SLC30A8: variants seen among roughly 807,000 people sequenced by gnomAD.
The protein encoded by SLC30A8 is solute carrier family 30 member 8.
Under a neutral mutation model 36.9 loss-of-function variants are expected in SLC30A8, and 27 were observed. That is an observed-to-expected ratio of 0.73 (90% confidence interval 0.54 to 1.01). The LOEUF is 1.01. Among genes scored for constraint, SLC30A8 ranks in the 50% least tolerant of loss-of-function variants. The pLI, the probability that SLC30A8 is intolerant of heterozygous loss-of-function variation, is 0.00. For synonymous variants in SLC30A8, 164 were observed against 172.4 expected, an observed-to-expected ratio of 0.95 and a Z score of 0.38; for missense variants, 439 against 452.0, an observed-to-expected ratio of 0.97 and a Z score of 0.26.
chr8:117,154,252 CCCA>C, intron 3 of SLC30A8, among the ~76,000 whole-genome samples: 1 of 152,050 alleles, frequency 6.6e-6, no homozygotes, highest in Non-Finnish European at 1.5e-5. Context: ...CTAACCCACC[CCCA>C]CAACCCCCAC....
intron 2 of SLC30A8, among the ~76,000 whole-genome samples, chr8:117,104,343 G>T (rs752573948): frequency 6.6e-6 from 1 of 152,050 alleles, no homozygotes; most frequent in Non-Finnish European, 1.5e-5. Flanking sequence ...TTTATTGCTC[G>T]CAGGTTCTGC....
intron 1 of SLC30A8, among the ~76,000 whole-genome samples, chr8:117,140,151 G>A (rs1015180755): frequency 1.3e-5 from 2 of 152,030 alleles, no homozygotes; most frequent in Non-Finnish European, 2.9e-5. Flanking sequence ...GAAGCTGGCA[G>A]AAGAAAGAAT....
intron 2 of SLC30A8, among the ~76,000 whole-genome samples, chr8:117,057,860 G>A (rs944799500): frequency 9.9e-5 from 15 of 152,148 alleles, no homozygotes; most frequent in African/African-American, 1.2e-4. Flanking sequence ...CGGGAGTGCC[G>A]ATATCTCTTT....
chr8:116,954,467 TAA>T (rs1300320687), intron 1 of SLC30A8, among the ~76,000 whole-genome samples: 1 of 151,988 alleles, frequency 6.6e-6, no homozygotes, highest in African/African-American at 2.4e-5. Context: ...GAAAAGCTAT[TAA>T]AGAGAGAGAG....
chr8:117,002,913 AT>A (rs201180534), intron 1 of SLC30A8, among the ~76,000 whole-genome samples: 4 of 151,268 alleles, frequency 2.6e-5, no homozygotes, highest in African/African-American at 4.8e-5. Context: ...AAAAGATGTT[AT>A]TTTTTTTTAG....
intron 1 of SLC30A8, among the ~76,000 whole-genome samples, chr8:116,979,812 T>G (rs560352584): frequency 6.6e-6 from 1 of 152,250 alleles, no homozygotes. Context: ...CCCTGGACCT[T>G]TTTACCCAGG....
intron 1 of SLC30A8, among the ~76,000 whole-genome samples, chr8:116,959,841 T>C (rs1455321127): frequency 6.6e-6 from 1 of 152,210 alleles, no homozygotes; most frequent in South Asian, 2.1e-4. Flanking sequence ...TCTGTGCACA[T>C]GGGCAATTTT....
chr8:117,035,372 T>C (rs1392522807), intron 1 of SLC30A8, among the ~76,000 whole-genome samples: 2 of 152,368 alleles, frequency 1.3e-5, no homozygotes, highest in East Asian at 3.9e-4. Flanking sequence ...CATGCAAGTC[T>C]GAAACCCAGC....
chr8:117,011,716 ACTC>A, intron 1 of SLC30A8, among the ~76,000 whole-genome samples: 1 of 152,270 alleles, frequency 6.6e-6, no homozygotes, highest in South Asian at 2.1e-4. Context: ...AAAAGAAAAT[ACTC>A]AATCCTCCAA....
intron 1 of SLC30A8, among the ~76,000 whole-genome samples, chr8:117,011,073 G>C (rs533303569): frequency 1.3e-5 from 2 of 152,226 alleles, no homozygotes; most frequent in South Asian, 2.1e-4. Flanking sequence ...ATTCTACTAC[G>C]CTAAACTCTT....
At chr8:117,026,670 A>G (rs1816885152) in intron 1 of SLC30A8, among the ~76,000 whole-genome samples, 1 of 152,154 alleles carries the variant, frequency 6.6e-6, no homozygotes, top group Non-Finnish European at 1.5e-5. Context: ...TAGACAAGCC[A>G]CTTTATCTCT....
intron 1 of SLC30A8, among the ~76,000 whole-genome samples, chr8:117,036,596 T>A (rs1274742837): frequency 6.6e-6 from 1 of 152,120 alleles, no homozygotes; most frequent in Non-Finnish European, 1.5e-5. Flanking sequence ...CAGGCACGTC[T>A]TACATGGCGA....
At chr8:116,976,500 T>C (rs1293543390) in intron 1 of SLC30A8, among the ~76,000 whole-genome samples, 1 of 152,204 alleles carries the variant, frequency 6.6e-6, no homozygotes, top group Admixed American at 6.5e-5. Context: ...GTGAATGTTC[T>C]GATCCCTAAG....
At chr8:117,051,166 A>G (rs778024930) in intron 2 of SLC30A8, among the ~76,000 whole-genome samples, 2 of 152,176 alleles carry the variant, frequency 1.3e-5, no homozygotes, top group African/African-American at 4.8e-5. Flanking sequence ...AAAGGAACAG[A>G]TTAGGAAGTT....
intron 2 of SLC30A8, among the ~76,000 whole-genome samples, chr8:117,068,342 C>T (rs1342412514): frequency 6.6e-6 from 1 of 152,122 alleles, no homozygotes; most frequent in East Asian, 1.9e-4. Flanking sequence ...CAAGAAACAG[C>T]TTTAGGTTCA....
At chr8:117,065,823 C>T (rs1346654688) in intron 2 of SLC30A8, among the ~76,000 whole-genome samples, 2 of 152,054 alleles carry the variant, frequency 1.3e-5, no homozygotes, top group African/African-American at 4.8e-5. Flanking sequence ...TGAGTAGATG[C>T]GTCTAAGTCT....
chr8:117,014,757 C>T (rs1370493748), intron 1 of SLC30A8, among the ~76,000 whole-genome samples: 1 of 152,110 alleles, frequency 6.6e-6, no homozygotes, highest in Non-Finnish European at 1.5e-5. Context: ...TGAGATGCAC[C>T]TACTGCCTGT....
intron 5 of SLC30A8, 30 bp downstream of exon 5, chr8:117,161,918 A>G (rs1366249120): frequency 3.1e-6 from 5 of 1,593,894 alleles, no homozygotes; most frequent in Non-Finnish European, 4.3e-6. Flanking sequence ...CCATCCTAGT[A>G]CTTATGTAGA....
chr8:117,104,378 T>G (rs1819878007), intron 2 of SLC30A8, among the ~76,000 whole-genome samples: 1 of 152,184 alleles, frequency 6.6e-6, no homozygotes, highest in South Asian at 2.1e-4. Flanking sequence ...CAGACTACAA[T>G]TCAGCCAAGT....
Sources: gnomAD v4.1 joint callset for allele counts (sites outside exome capture counted in the v4.1 genomes callset) on GRCh38, gnomAD v4.1.1 for gene constraint, MANE v1.5 for transcripts, NCBI Gene and HGNC (gene_info 2026-07-23, HGNC 2026-07-21) for gene names.